PACRG: variants seen among roughly 807,000 people sequenced by gnomAD.
The protein encoded by PACRG is parkin coregulated gene protein.
In PACRG, 29 loss-of-function variants were observed where a neutral mutation model predicts 29.7. The observed-to-expected ratio is 0.98, with a 90% confidence interval of 0.73 to 1.33. PACRG has a LOEUF of 1.33. PACRG is among the 40% of genes most tolerant of loss of function. The probability of loss-of-function intolerance (pLI) is 0.00; values close to 1 mark genes in which losing one functional copy is unlikely to be tolerated. For synonymous variants in PACRG, 116 were observed against 118.7 expected (o/e 0.98, Z 0.15); for missense variants, 279 against 316.2 (o/e 0.88, Z 0.89).
At chr6:162,864,029 T>C (rs1170728690) in intron 2 of PACRG, among the ~76,000 whole-genome samples, 1 of 152,166 alleles carries the variant, frequency 6.6e-6, no homozygotes, top group Non-Finnish European at 1.5e-5. Flanking sequence ...GAATTTTCCA[T>C]CCTCTCAGTT....
intron 1 of PACRG, among the ~76,000 whole-genome samples, chr6:162,747,823 G>A (rs1781204469): frequency 2.0e-5 from 3 of 151,734 alleles, no homozygotes; most frequent in Admixed American, 1.3e-4. Flanking sequence ...AATGGGAGAC[G>A]GGGCTCAGGA....
chr6:163,186,316 T>A lies in PACRG; in HGVS notation c.613+96908T>A, dbSNP rs186082276. 1.4e-4 allele frequency among the ~76,000 whole-genome samples: 21 copies of A among 152,124 alleles called. No homozygotes were observed. The East Asian group carries it at 4.1e-3, about 30-fold the overall frequency. ...GCAAATGGAAGCAACATTCTCATTG[T>A]CTCCACTCTCAGACACCCTCAGATT... is the stretch of plus-strand genomic sequence containing the variant. On this transcript the variant is annotated intron_variant, in intron 4 of 4. Transcript: ENST00000366888.
chr6:163,099,831 G>A (rs775116760), intron 4 of PACRG, among the ~76,000 whole-genome samples: 2 of 152,188 alleles, frequency 1.3e-5, no homozygotes, highest in Non-Finnish European at 2.9e-5. Context: ...CGCAGGGGTG[G>A]GTAGTGAGGG....
At chr6:162,892,326 G>C (rs1198837917) in intron 2 of PACRG, among the ~76,000 whole-genome samples, 1 of 152,166 alleles carries the variant, frequency 6.6e-6, no homozygotes, top group Non-Finnish European at 1.5e-5. Flanking sequence ...ATCTGACTTT[G>C]GTCTCCTCCT....
chr6:163,261,932 C>G (rs1236224459), intron 4 of PACRG, among the ~76,000 whole-genome samples: 1 of 152,082 alleles, frequency 6.6e-6, no homozygotes, highest in African/African-American at 2.4e-5. Context: ...GGAACCAATC[C>G]CCCAGGAATA....
chr6:163,180,895 C>T (rs968561002), intron 4 of PACRG, among the ~76,000 whole-genome samples: 1 of 152,204 alleles, frequency 6.6e-6, no homozygotes, highest in Non-Finnish European at 1.5e-5. Flanking sequence ...GTGTTTCACC[C>T]GCTTGGCGTT....
At chr6:163,134,801 TGA>T (rs747310293) in intron 4 of PACRG, among the ~76,000 whole-genome samples, 37 of 152,210 alleles carry the variant, frequency 2.4e-4, no homozygotes, top group East Asian at 1.3e-3. Context: ...AGAAAAACAT[TGA>T]GACTGATCTA....
chr6:163,164,402 C>T (rs550089546), intron 4 of PACRG, among the ~76,000 whole-genome samples: 1 of 152,298 alleles, frequency 6.6e-6, no homozygotes, highest in South Asian at 2.1e-4. Flanking sequence ...CCAGTTCACA[C>T]TGCCAAAGTG....
intron 2 of PACRG, among the ~76,000 whole-genome samples, chr6:162,870,654 T>C (rs975159104): frequency 1.3e-5 from 2 of 152,202 alleles, no homozygotes; most frequent in African/African-American, 4.8e-5. Context: ...TAGCTCCCAC[T>C]TATGAATGAG....
At chr6:162,975,191 C>A (rs1430485335) in intron 2 of PACRG, among the ~76,000 whole-genome samples, 3 of 152,092 alleles carry the variant, frequency 2.0e-5, no homozygotes, top group Non-Finnish European at 4.4e-5. Flanking sequence ...AATACATAAG[C>A]CAATAGATGG....
rs140365995 is a variant in PACRG at position 163,285,772 on chromosome 6, G to A, written c.614-29055G>A. Among the ~76,000 whole-genome samples, 31 of 152,290 alleles carry A rather than the reference G, an allele frequency of 2.0e-4. No homozygotes were observed. The East Asian group carries it at 5.4e-3, about 27-fold the overall frequency. ...TGTCATGGATGCATATACTATGTGC[G>A]GCTCTGTATAAATTCCTCTCAGGTA... On this transcript the variant is annotated intron_variant, in intron 4 of 4. Transcript: ENST00000366888.
chr6:163,007,787 C>CA (rs1805254777), intron 2 of PACRG, among the ~76,000 whole-genome samples: 5 of 152,124 alleles, frequency 3.3e-5, no homozygotes, highest in Non-Finnish European at 7.3e-5. Flanking sequence ...GAGGTGGGAT[C>CA]TCTGGGCTCT....
chr6:163,195,432 G>C (rs1234263842), intron 4 of PACRG, among the ~76,000 whole-genome samples: 1 of 152,104 alleles, frequency 6.6e-6, no homozygotes, highest in African/African-American at 2.4e-5. Context: ...ACATTTGACC[G>C]TGAAACCCAT....
At chr6:163,184,207 T>C (rs929936433) in intron 4 of PACRG, among the ~76,000 whole-genome samples, 20 of 152,208 alleles carry the variant, frequency 1.3e-4, no homozygotes, top group African/African-American at 4.8e-4. Context: ...CTTAAGAAAT[T>C]TACCCCAGTG....
intron 2 of PACRG, among the ~76,000 whole-genome samples, chr6:162,823,803 G>A (rs374561457): frequency 1.2e-4 from 18 of 152,038 alleles, no homozygotes; most frequent in Non-Finnish European, 2.5e-4. Flanking sequence ...CTGAACCACC[G>A]CGCCTGGCCA....
chr6:163,308,694 G>A (rs961904073), intron 4 of PACRG, among the ~76,000 whole-genome samples: 1 of 149,468 alleles, frequency 6.7e-6, no homozygotes, highest in Non-Finnish European at 1.5e-5. Context: ...AATTTATTCA[G>A]AATCATCCAA....
At chr6:163,037,700 G>A (rs551416106) in intron 2 of PACRG, among the ~76,000 whole-genome samples, 12 of 152,302 alleles carry the variant, frequency 7.9e-5, no homozygotes, top group Admixed American at 2.6e-4. Flanking sequence ...TCCCTCAGTC[G>A]TCTCCGGTTA....
intron 1 of PACRG, among the ~76,000 whole-genome samples, chr6:162,733,676 T>C (rs563126592): frequency 6.6e-6 from 1 of 152,296 alleles, no homozygotes; most frequent in South Asian, 2.1e-4. Flanking sequence ...TTTATGCAAC[T>C]CTGCTGGCCC....
intron 1 of PACRG, among the ~76,000 whole-genome samples, chr6:162,751,324 C>T (rs1020708219): frequency 6.6e-6 from 1 of 152,044 alleles, no homozygotes; most frequent in East Asian, 1.9e-4. Context: ...TATAATTTGG[C>T]AACTGTGCAT....
Sources: gnomAD v4.1 joint callset for allele counts (sites outside exome capture counted in the v4.1 genomes callset) on GRCh38, gnomAD v4.1.1 for gene constraint, MANE v1.5 for transcripts, NCBI Gene and HGNC (gene_info 2026-07-23, HGNC 2026-07-21) for gene names.